Variants in IL34 observed in about 807,000 individuals in gnomAD.
The protein encoded by IL34 is interleukin 34.
In IL34, 17 loss-of-function variants were observed where a neutral mutation model predicts 25.3. The ratio of observed to expected loss-of-function variants is 0.67; its 90% CI spans 0.46 to 1.01. The LOEUF (loss-of-function observed/expected upper bound fraction) is 1.01, where lower values mean the gene tolerates loss of function less well. Ranked by LOEUF, IL34 falls within the 50% of genes least tolerant of loss-of-function variation. The pLI is 0.00. For synonymous variants in IL34, 174 were observed against 140.9 expected (o/e 1.23, Z -1.66); for missense variants, 368 against 312.9 (o/e 1.18, Z -1.33).
At chr16:70,637,241 T>A (rs925566224) in intron 1 of IL34, among the ~76,000 whole-genome samples, 6 of 152,230 alleles carry the variant, frequency 3.9e-5, no homozygotes, top group South Asian at 4.1e-4. Context: ...CCCCATTTTT[T>A]AAAGCAGTTT....
chr16:70,598,310 G>A (rs963360659), intron 1 of IL34, among the ~76,000 whole-genome samples: 1 of 152,130 alleles, frequency 6.6e-6, no homozygotes, highest in Non-Finnish European at 1.5e-5. Flanking sequence ...GGAATGGTTG[G>A]TGTCCTGGCC....
chr16:70,619,253 G>C (rs2151835010), intron 1 of IL34, among the ~76,000 whole-genome samples: 1 of 152,220 alleles, frequency 6.6e-6, no homozygotes, highest in South Asian at 2.1e-4. Context: ...GTTTTAATGA[G>C]ATGGTAAGGG....
intron 1 of IL34, among the ~76,000 whole-genome samples, chr16:70,601,906 C>G (rs2151818431): frequency 6.6e-6 from 1 of 152,362 alleles, no homozygotes; most frequent in South Asian, 2.1e-4. Flanking sequence ...CGAGCCCAGA[C>G]AGAGAGGGCT....
intron 1 of IL34, among the ~76,000 whole-genome samples, chr16:70,651,762 TAAA>T (rs10713010): frequency 1.3e-4 from 18 of 143,502 alleles, no homozygotes; most frequent in African/African-American, 1.5e-4. Flanking sequence ...ACTGCTTTTG[TAAA>T]AAAAAAAAAA....
At chr16:70,657,267 G>T in intron 4 of IL34, 146 bp downstream of exon 4, 1 of 833,186 alleles carries the variant, frequency 1.2e-6, no homozygotes, top group Non-Finnish European at 1.8e-6. Flanking sequence ...AGAAGTGGGG[G>T]AGGGGTGCAG....
chr16:70,619,539 G>A (rs1028377816), intron 1 of IL34, among the ~76,000 whole-genome samples: 2 of 151,738 alleles, frequency 1.3e-5, no homozygotes, highest in Non-Finnish European at 2.9e-5. Context: ...TTAGAAGCCT[G>A]GCCGTCAATA....
chr16:70,657,885 A>C (rs936751024), intron 4 of IL34, among the ~76,000 whole-genome samples: 14 of 152,158 alleles, frequency 9.2e-5, no homozygotes, highest in Non-Finnish European at 1.9e-4. Context: ...GTGAGCCCTA[A>C]TGTAAATTAT....
intron 1 of IL34, among the ~76,000 whole-genome samples, chr16:70,650,038 A>C (rs371153494): frequency 1.3e-5 from 2 of 152,142 alleles, no homozygotes; most frequent in Non-Finnish European, 2.9e-5. Flanking sequence ...ACCTCAGGTG[A>C]TCCGCCCACC....
chr16:70,615,829 C>T (rs1408121821), intron 1 of IL34, among the ~76,000 whole-genome samples: 2 of 151,960 alleles, frequency 1.3e-5, no homozygotes, highest in Admixed American at 6.6e-5. Context: ...GGTGCACACC[C>T]GTGGTCTCAG....
chr16:70,585,491 T>C (rs1201421554), intron 1 of IL34, among the ~76,000 whole-genome samples: 4 of 151,716 alleles, frequency 2.6e-5, no homozygotes. Flanking sequence ...ATTGAGACCA[T>C]CCTGGCCAAC....
At chr16:70,643,884 T>A (rs1230134345), upstream of IL34, among the ~76,000 whole-genome samples, 1 of 152,188 alleles carries the variant, frequency 6.6e-6, no homozygotes, top group Non-Finnish European at 1.5e-5. Flanking sequence ...CCCTACATGC[T>A]GGTGAAATGG....
In IL34 at chr16:70,633,488, C is replaced by T. The variant is rs77443614; in HGVS notation, c.-400-13060C>T. Among the ~76,000 whole-genome samples, 1,117 of 152,252 alleles carry T rather than the reference C, an allele frequency of 7.3e-3. 111 individuals carry two copies. In the East Asian group the frequency reaches 0.19, roughly 25 times the overall value. Reference sequence around the variant, plus strand: ...CTATGTTGCCCAGTCTGGTTTCAAACTTCAGACCTCAAATGATCCTCCAAC... The same window carrying T: ...CTATGTTGCCCAGTCTGGTTTCAAATTTCAGACCTCAAATGATCCTCCAAC... On this transcript the variant is annotated intron_variant, in intron 1 of 6. Coordinates refer to the IL34 transcript ENST00000429149.
chr16:70,631,817 G>A (rs1235794517), intron 1 of IL34, among the ~76,000 whole-genome samples: 4 of 152,070 alleles, frequency 2.6e-5, no homozygotes, highest in African/African-American at 7.2e-5. Context: ...CCTCAGACAA[G>A]TTACCTCATC....
rs545230390 is a variant in IL34 at position 70,608,375 on chromosome 16, C to T, written c.-401+28326C>T. ...AACTCCTGACCTCAGCTGATCCACC[C>T]GCCTTGGCCTCCCAAAGTGCTGGGA... is the stretch of plus-strand genomic sequence containing the variant. On this transcript the variant is annotated intron_variant, in intron 1 of 6. Transcript: ENST00000429149. Among the ~76,000 whole-genome samples, 78 of 151,456 alleles carry T rather than the reference C, an allele frequency of 5.2e-4. 1 individual carries two copies. Among genetic ancestry groups the T allele is most frequent in the African/African-American group, 1.8e-3 (73 of 41,272 alleles).
intron 1 of IL34, among the ~76,000 whole-genome samples, chr16:70,597,439 T>C (rs914250157): frequency 1.3e-5 from 2 of 152,108 alleles, no homozygotes; most frequent in Non-Finnish European, 2.9e-5. Flanking sequence ...CAGGCTGTTA[T>C]CGAACTCCTG....
At chr16:70,597,103 G>A (rs769339383) in intron 1 of IL34, among the ~76,000 whole-genome samples, 6 of 152,058 alleles carry the variant, frequency 3.9e-5, no homozygotes, top group Non-Finnish European at 8.8e-5. Context: ...CTTCTCCTCC[G>A]TTGTGCTCTG....
intron 1 of IL34, among the ~76,000 whole-genome samples, chr16:70,619,284 G>A (rs1385630765): frequency 6.6e-6 from 1 of 152,126 alleles, no homozygotes; most frequent in Non-Finnish European, 1.5e-5. Flanking sequence ...GGTCGCCAAG[G>A]AGGGAGTAGA....
At chr16:70,624,349 G>C (rs12598251) in intron 1 of IL34, among the ~76,000 whole-genome samples, 45,490 of 151,890 alleles carry the variant, frequency 0.3, 7,259 homozygotes, top group South Asian at 0.45. Context: ...GTCTCACAGT[G>C]GAGGCAAGGA....
At chr16:70,619,378 T>A (rs898240368) in intron 1 of IL34, among the ~76,000 whole-genome samples, 5 of 151,958 alleles carry the variant, frequency 3.3e-5, no homozygotes, top group Admixed American at 2.0e-4. Flanking sequence ...CAATGAGATA[T>A]AGCTGTAGTC....
Sources: gnomAD v4.1 joint callset for allele counts (sites outside exome capture counted in the v4.1 genomes callset) on GRCh38, gnomAD v4.1.1 for gene constraint, MANE v1.5 for transcripts, NCBI Gene and HGNC (gene_info 2026-07-23, HGNC 2026-07-21) for gene names.